The following FZD3 variants were observed in gnomAD, a reference collection of about 807,000 sequenced individuals.
FZD3 encodes the protein frizzled-3.
FZD3 carries 30 observed loss-of-function variants against 60.7 expected under a neutral mutation model. The observed-to-expected ratio is 0.49, with a 90% CI of 0.37 to 0.67. The LOEUF is 0.67. Among genes scored for constraint, FZD3 ranks in the 30% least tolerant of loss-of-function variants. The pLI is 0.00. For synonymous variants in FZD3, 246 were observed against 275.2 expected (o/e 0.89, Z 1.05); for missense variants, 605 against 838.7 (o/e 0.72, Z 3.44).
intron 5 of FZD3, among the ~76,000 whole-genome samples, chr8:28,532,176 A>G (rs1004783936): frequency 3.9e-5 from 6 of 152,034 alleles, no homozygotes; most frequent in African/African-American, 1.2e-4. Flanking sequence ...CCATGTGTCA[A>G]CTCCACATCT....
chr8:28,501,611 A>G (rs571120403), intron 2 of FZD3, among the ~76,000 whole-genome samples: 1 of 152,322 alleles, frequency 6.6e-6, no homozygotes, highest in South Asian at 2.1e-4. Context: ...TCAAAATGTG[A>G]TAGCTTAGAA....
intron 1 of FZD3, among the ~76,000 whole-genome samples, chr8:28,494,894 C>A (rs1409613289): frequency 6.6e-6 from 1 of 152,188 alleles, no homozygotes; most frequent in Non-Finnish European, 1.5e-5. Flanking sequence ...CAGCTTCGGG[C>A]CCACCTTTGC....
intron 3 of FZD3, among the ~76,000 whole-genome samples, chr8:28,510,773 A>C (rs954900195): frequency 2.0e-5 from 3 of 151,656 alleles, no homozygotes; most frequent in Non-Finnish European, 4.4e-5. Context: ...ACGGTGGCTC[A>C]GGCCTATAAT....
chr8:28,544,844 T>C (rs1243098596), intron 5 of FZD3, among the ~76,000 whole-genome samples: 2 of 152,176 alleles, frequency 1.3e-5, no homozygotes, highest in African/African-American at 2.4e-5. Context: ...AATTTATTTC[T>C]TACAGTTATG....
chr8:28,554,542 C>T (rs190755122), intron 6 of FZD3, among the ~76,000 whole-genome samples: 17 of 151,962 alleles, frequency 1.1e-4, no homozygotes, highest in East Asian at 9.7e-4. Context: ...CTGTTGGTTT[C>T]GTTGTGTGAT....
intron 1 of FZD3, among the ~76,000 whole-genome samples, chr8:28,495,754 A>C (rs7842256): frequency 0.022 from 3,280 of 152,330 alleles, 108 homozygotes; most frequent in African/African-American, 0.074. Flanking sequence ...CGGAGAGCCT[A>C]GGAAAGAGGT....
In FZD3 at chr8:28,564,887, C is replaced by A. The variant is rs1400910630; in HGVS notation, c.*1876C>A. ...AGAAGATAAATACGTACTCTACCTA[C>A]CTCACAAAGCTGTCAGATTAAGATC... On this transcript the variant is annotated 3_prime_UTR_variant, in exon 8 of 8. Transcript: ENST00000240093. 1.3e-5 allele frequency: 2 copies of A among 152,268 alleles called. No homozygotes were observed. The highest frequency in any genetic ancestry group is 1.9e-4 in the East Asian group (1 of 5,182). 9.4% of individuals were successfully genotyped at this position (152,268 alleles called of 1,614,324 possible).
At position 28,527,793 on chromosome 8, in the gene FZD3, A is replaced by G; in HGVS notation, c.1033A>G (p.Ile345Val). Residue 345 changes from isoleucine to valine, a missense_variant, in exon 5 of 8, where the codon ATC (isoleucine) becomes GTC (valine). Coordinates refer to ENST00000240093, the MANE Select transcript of FZD3 (RefSeq NM_017412.4). The surrounding 1 kb of genome is among the most constrained non-coding windows in gnomAD (Gnocchi z 5.0). ...AWGIPGTLTI[I>V]LLAMNKIEGD... is the part of the protein sequence containing the mutation. ...GGGCATCCCCGGAACTCTAACCATC[A>G]TCCTTTTAGCGATGAATAAAATTGA... is the stretch of plus-strand genomic sequence containing the variant. 2 of 1,614,154 alleles carry G rather than the reference A, an allele frequency of 1.2e-6. No individual in the cohort carries two copies. The highest frequency in any genetic ancestry group is 1.7e-6 in the Non-Finnish European group (2 of 1,180,014).
intron 5 of FZD3, among the ~76,000 whole-genome samples, chr8:28,542,021 A>T (rs112197907): frequency 6.6e-6 from 1 of 151,932 alleles, no homozygotes; most frequent in Admixed American, 6.6e-5. Flanking sequence ...TTTTAAAAAC[A>T]TAAGCGAGAT....
chr8:28,542,131 T>C (rs2130433150), intron 5 of FZD3, among the ~76,000 whole-genome samples: 1 of 138,328 alleles, frequency 7.2e-6, no homozygotes, highest in African/African-American at 2.6e-5. Context: ...TGCAGTGCCA[T>C]ATATGACTGG....
chr8:28,529,580 A>G (rs984675083), intron 5 of FZD3, among the ~76,000 whole-genome samples: 3 of 152,190 alleles, frequency 2.0e-5, no homozygotes, highest in Non-Finnish European at 2.9e-5. Context: ...GGTTACTGCT[A>G]CAGAGAGTAT....
Position 28,527,468 on chromosome 8 carries a change from G to C in FZD3, c.708G>C (p.Arg236Ser). Residue 236 changes from arginine to serine, a missense_variant, in exon 5 of 8, where the codon AGG becomes AGC. Coordinates refer to ENST00000240093, the MANE Select transcript of FZD3 (RefSeq NM_017412.4). The surrounding 1 kb of genome is among the most constrained non-coding windows in gnomAD (Gnocchi z 5.0). Reference protein sequence around the residue: ...IDVTRFRYPERPIIFYAVCYM... With the variant: ...IDVTRFRYPESPIIFYAVCYM... ...TCACAAGATTCCGTTATCCTGAAAGGCCTATTATATTTTATGCAGTCTGCT... is the reference window on the plus strand; with the variant it reads ...TCACAAGATTCCGTTATCCTGAAAGCCCTATTATATTTTATGCAGTCTGCT... 1 of 1,612,940 alleles carries C rather than the reference G, an allele frequency of 6.2e-7. No individual in the cohort carries two copies. The highest frequency in any genetic ancestry group is 8.5e-7 in the Non-Finnish European group (1 of 1,179,112).
chr8:28,529,218 C>T (rs1182725278), intron 5 of FZD3, among the ~76,000 whole-genome samples: 1 of 152,106 alleles, frequency 6.6e-6, no homozygotes, highest in Admixed American at 6.6e-5. Context: ...CCATGCCAGC[C>T]TCTCTTCTTT....
intron 4 of FZD3, among the ~76,000 whole-genome samples, chr8:28,526,226 A>G (rs1338689773): frequency 6.6e-6 from 1 of 152,078 alleles, no homozygotes; most frequent in Non-Finnish European, 1.5e-5. Context: ...CATTTCTGCA[A>G]CGTGCTTACC....
intron 5 of FZD3, among the ~76,000 whole-genome samples, chr8:28,534,120 T>C (rs1392121136): frequency 6.6e-6 from 1 of 152,210 alleles, no homozygotes; most frequent in Non-Finnish European, 1.5e-5. Context: ...CTTACATAGT[T>C]ACATTAGCTT....
Position 28,527,157 on chromosome 8 carries a change from TG to T in FZD3, c.398del (p.Cys133LeufsTer11). 1.2e-6 allele frequency: 2 copies of T among 1,600,340 alleles called. No homozygotes were observed. Among genetic ancestry groups the T allele is most frequent in the Non-Finnish European group, 1.7e-6 (2 of 1,175,358 alleles). Reference sequence around the variant, plus strand: ...TGTTTTGTTTTTTAGGTTCCCAGATTGTGATGAGCCATATCCTCGACTTGTG... The same window carrying T: ...TGTTTTGTTTTTTAGGTTCCCAGATTTGATGAGCCATATCCTCGACTTGTG... Reference protein sequence around the residue: ...EDMECSRFPDCDEPYPRLVDL... With the variant: ...EDMECSRFPDXDEPYPRLVDL... On this transcript the variant is annotated frameshift_variant, in exon 5 of 8. Coordinates refer to ENST00000240093, the MANE Select transcript of FZD3 (RefSeq NM_017412.4). LOFTEE classifies it high-confidence loss of function. This position sits in a 1 kb window ranked among gnomAD's most constrained non-coding sequence, Gnocchi z 5.0.
intron 5 of FZD3, among the ~76,000 whole-genome samples, chr8:28,533,355 C>A (rs1804928284): frequency 6.6e-6 from 1 of 151,994 alleles, no homozygotes; most frequent in African/African-American, 2.4e-5. Flanking sequence ...CTTTTTAATT[C>A]AATTATTTCT....
intron 5 of FZD3, among the ~76,000 whole-genome samples, chr8:28,539,969 G>A (rs1805120740): frequency 1.3e-5 from 2 of 152,016 alleles, no homozygotes. Context: ...GGTGGATTGT[G>A]TATCTAAATA....
At chr8:28,497,114 A>G (rs542705425) in intron 1 of FZD3, among the ~76,000 whole-genome samples, 1 of 152,282 alleles carries the variant, frequency 6.6e-6, no homozygotes, top group Admixed American at 6.5e-5. Context: ...GATGCCTACC[A>G]TTCGTTTAAA....
Sources: gnomAD v4.1 joint callset for allele counts (sites outside exome capture counted in the v4.1 genomes callset) on GRCh38, gnomAD v4.1.1 for gene constraint, Gnocchi (gnomAD v3.1) non-coding constraint, MANE v1.5 for transcripts, NCBI Gene and HGNC (gene_info 2026-07-23, HGNC 2026-07-21) for gene names.